The following CFAP58 variants were observed in gnomAD, a reference collection of about 807,000 sequenced individuals.
CFAP58 encodes the protein cilia- and flagella-associated protein 58.
A neutral mutation model predicts 119.5 loss-of-function variants in CFAP58; 88 were observed. The ratio of observed to expected loss-of-function variants is 0.74; its 90% confidence interval spans 0.62 to 0.88. The LOEUF is 0.88. CFAP58 is among the 40% of genes least tolerant of loss of function. CFAP58 has a pLI of 0.00. For synonymous variants in CFAP58, 365 were observed against 366.3 expected (o/e 1.00, Z 0.04); for missense variants, 990 against 1,021.2 (o/e 0.97, Z 0.42).
intron 15 of CFAP58, among the ~76,000 whole-genome samples, chr10:104,410,111 T>C (rs1394358124): frequency 1.3e-5 from 2 of 152,206 alleles, no homozygotes; most frequent in Non-Finnish European, 2.9e-5. Context: ...AAATACATTA[T>C]CTTAATTCTT....
At position 104,364,746 on chromosome 10, in the gene CFAP58, C is replaced by A. The variant is rs767071483; in HGVS notation, c.454C>A (p.Leu152Met). The A allele has an allele frequency of 1.3e-5, 21 of 1,612,900 alleles. No individual in the cohort carries two copies. The highest frequency in any genetic ancestry group is 1.7e-5 in the Non-Finnish European group (20 of 1,179,498). Residue 152 changes from leucine (L) to methionine (M), a missense_variant, in exon 4 of 18, where the codon CTG (leucine) becomes ATG (methionine). Coordinates refer to ENST00000369704, the MANE Select transcript of CFAP58 (RefSeq NM_001008723.2). ...CTTCCTTTTTAGCATCCGAGATTTA[C>A]TGAGGTTCAAAGAAGAAGTGACAAA... ...MDQHSNIRDL[L>M]RFKEEVTKER...
At chr10:104,397,395 TG>T (rs2012183460) in intron 11 of CFAP58, among the ~76,000 whole-genome samples, 2 of 152,280 alleles carry the variant, frequency 1.3e-5, no homozygotes, top group South Asian at 2.1e-4. Flanking sequence ...AGAAACCCTT[TG>T]TTTTATAGTA....
At chr10:104,355,496 A>G (rs1283995562) in intron 1 of CFAP58, among the ~76,000 whole-genome samples, 1 of 152,056 alleles carries the variant, frequency 6.6e-6, no homozygotes, top group African/African-American at 2.4e-5. Context: ...ACCTCAGCCA[A>G]CTTTCTCGAT....
the CFAP58 span, among the ~76,000 whole-genome samples, chr10:104,343,883 C>T: frequency 6.6e-6 from 1 of 152,192 alleles, no homozygotes; most frequent in Non-Finnish European, 1.5e-5. Context: ...GCTGGGACTA[C>T]AAGTGTGTGC....
chr10:104,441,763 C>A (rs1176245498), intron 15 of CFAP58, among the ~76,000 whole-genome samples: 4 of 152,192 alleles, frequency 2.6e-5, no homozygotes, highest in African/African-American at 9.7e-5. Flanking sequence ...TAGTTCCCTG[C>A]TCGTAAGGAA....
chr10:104,451,667 T>C (rs1246656069), intron 17 of CFAP58, among the ~76,000 whole-genome samples: 1 of 152,224 alleles, frequency 6.6e-6, no homozygotes, highest in African/African-American at 2.4e-5. Flanking sequence ...AATGTCAACA[T>C]GGTTAATTTC....
intron 15 of CFAP58, among the ~76,000 whole-genome samples, chr10:104,442,587 CAAA>C (rs1210585369): frequency 1.1e-4 from 7 of 65,530 alleles, no homozygotes; most frequent in Admixed American, 5.1e-4. Flanking sequence ...GACTCCATTT[CAAA>C]AAAAAAAAAA....
chr10:104,392,629 C>T (rs114005627), intron 10 of CFAP58, among the ~76,000 whole-genome samples: 4,599 of 146,978 alleles, frequency 0.031, 207 homozygotes, highest in African/African-American at 0.094. Context: ...TTACTATTCT[C>T]GTCTTTCTAC....
At chr10:104,355,553 G>A (rs1589904972) in intron 1 of CFAP58, among the ~76,000 whole-genome samples, 1 of 151,998 alleles carries the variant, frequency 6.6e-6, no homozygotes, top group East Asian at 1.9e-4. Flanking sequence ...ATCTTATATT[G>A]CAGTTCTCTT....
chr10:104,454,047 A>T (rs1032356989), intron 17 of CFAP58, among the ~76,000 whole-genome samples: 1 of 152,172 alleles, frequency 6.6e-6, no homozygotes, highest in Non-Finnish European at 1.5e-5. Context: ...AAGTTGATAA[A>T]TGATGAATTA....
chr10:104,357,433 G>T (rs1040706473), intron 1 of CFAP58, among the ~76,000 whole-genome samples: 2 of 152,096 alleles, frequency 1.3e-5, no homozygotes, highest in Non-Finnish European at 2.9e-5. Context: ...CTGTATATGT[G>T]ATTTCATGAT....
chr10:104,443,736 C>T (rs1470983471), intron 15 of CFAP58, among the ~76,000 whole-genome samples: 1 of 152,086 alleles, frequency 6.6e-6, no homozygotes, highest in African/African-American at 2.4e-5. Flanking sequence ...CAATTTCTCC[C>T]TCTGAATTGT....
At chr10:104,429,142 TGCTGG>T (rs1589933042) in intron 15 of CFAP58, among the ~76,000 whole-genome samples, 2 of 152,122 alleles carry the variant, frequency 1.3e-5, no homozygotes, top group African/African-American at 4.8e-5. Context: ...AGATTGGTAG[TGCTGG>T]GAGTGTGCAT....
chr10:104,440,839 C>T (rs1053211754), intron 15 of CFAP58, among the ~76,000 whole-genome samples: 1 of 152,108 alleles, frequency 6.6e-6, no homozygotes, highest in South Asian at 2.1e-4. Context: ...AAATATTTCC[C>T]TTTCCGTGGC....
chr10:104,373,506 T>C (rs2014850489), intron 7 of CFAP58, among the ~76,000 whole-genome samples: 2 of 152,042 alleles, frequency 1.3e-5, no homozygotes, highest in Admixed American at 1.3e-4. Context: ...GGCATGCTCC[T>C]GCGCACCTGT....
At chr10:104,357,210 C>T (rs74544038) in intron 1 of CFAP58, among the ~76,000 whole-genome samples, 1,774 of 152,222 alleles carry the variant, frequency 0.012, 46 homozygotes, top group African/African-American at 0.041. Context: ...AAGTAATAGC[C>T]AGACTTGCTT....
At chr10:104,381,063 A>G (rs1189813021) in intron 9 of CFAP58, among the ~76,000 whole-genome samples, 1 of 151,674 alleles carries the variant, frequency 6.6e-6, no homozygotes, top group Non-Finnish European at 1.5e-5. Flanking sequence ...GGTAGGAGGA[A>G]CGCTTGAGCC....
chr10:104,445,816 C>A (rs1459161906), intron 15 of CFAP58, among the ~76,000 whole-genome samples: 7 of 152,202 alleles, frequency 4.6e-5, no homozygotes. Context: ...TTGTTTCTTT[C>A]AAACTTTCTT....
intron 15 of CFAP58, among the ~76,000 whole-genome samples, chr10:104,422,302 C>T (rs1160003765): frequency 6.6e-6 from 1 of 152,206 alleles, no homozygotes; most frequent in Non-Finnish European, 1.5e-5. Flanking sequence ...GGAGTAATTG[C>T]ATAGACCCAT....
Sources: allele counts gnomAD v4.1 joint callset (sites outside exome capture counted in the v4.1 genomes callset), GRCh38; gene constraint gnomAD v4.1.1; transcripts MANE v1.5; gene names NCBI Gene and HGNC (gene_info 2026-07-23, HGNC 2026-07-21).